NDRG1: variants seen among roughly 807,000 people sequenced by gnomAD.
NDRG1 encodes protein NDRG1.
A neutral mutation model predicts 56.9 loss-of-function variants in NDRG1; 32 were observed. The ratio of observed to expected loss-of-function variants is 0.56; its 90% CI spans 0.42 to 0.76. The LOEUF (loss-of-function observed/expected upper bound fraction) is 0.76. NDRG1 is among the 30% of genes least tolerant of loss of function. NDRG1 has a pLI of 0.00. For synonymous variants in NDRG1, 211 were observed against 204.1 expected, an observed-to-expected ratio of 1.03 and a Z score of -0.29; for missense variants, 507 against 545.7, an observed-to-expected ratio of 0.93 and a Z score of 0.71.
At chr8:133,275,491 C>T (rs1406682124) in intron 3 of NDRG1, among the ~76,000 whole-genome samples, 1 of 151,994 alleles carries the variant, frequency 6.6e-6, no homozygotes. Context: ...ATGATCTATC[C>T]CCAGTCTCTT....
At chr8:133,284,218 T>C (rs775445937) in intron 2 of NDRG1, 31 bp downstream of exon 2, 5 of 1,609,154 alleles carry the variant, frequency 3.1e-6, no homozygotes, top group South Asian at 1.1e-5. Context: ...CATGTGCCTG[T>C]GATGGGGTAG....
chr8:133,275,760 C>T (rs1563635559), intron 3 of NDRG1, among the ~76,000 whole-genome samples: 3 of 152,160 alleles, frequency 2.0e-5, no homozygotes, highest in South Asian at 2.1e-4. Flanking sequence ...GCTTGAGGTC[C>T]CCTTTCCAGC....
chr8:133,272,089 C>T (rs1857221395), intron 3 of NDRG1, among the ~76,000 whole-genome samples: 1 of 152,180 alleles, frequency 6.6e-6, no homozygotes, highest in South Asian at 2.1e-4. Context: ...AGAGGTCAAG[C>T]TGGGCCTGTC....
chr8:133,280,766 C>G (rs1857751977), intron 2 of NDRG1, among the ~76,000 whole-genome samples: 1 of 151,988 alleles, frequency 6.6e-6, no homozygotes, highest in Non-Finnish European at 1.5e-5. Context: ...AAATAGAAGT[C>G]CAGCAGAAAA....
At chr8:133,287,769 G>A (rs562839738) in intron 1 of NDRG1, among the ~76,000 whole-genome samples, 1 of 152,316 alleles carries the variant, frequency 6.6e-6, no homozygotes, top group South Asian at 2.1e-4. Context: ...CATGCCCACA[G>A]CATACACCCC....
intron 15 of NDRG1, 129 bp from the exon 16 acceptor site, chr8:133,239,248 C>T: frequency 7.0e-7 from 1 of 1,419,814 alleles, no homozygotes; most frequent in African/African-American, 1.4e-5. Flanking sequence ...TGCAGCCATC[C>T]AGCTGCTGGG....
intron 3 of NDRG1, among the ~76,000 whole-genome samples, chr8:133,279,445 A>C (rs1857654758): frequency 6.6e-6 from 1 of 152,230 alleles, no homozygotes. Context: ...AAGGAGGTAG[A>C]ATAGAGGAGT....
chr8:133,254,736 T>C (rs1856277559), intron 8 of NDRG1, 141 bp from the exon 9 acceptor site: 3 of 801,106 alleles, frequency 3.7e-6, no homozygotes, highest in Non-Finnish European at 6.4e-6. Context: ...TCCCCCTTGA[T>C]AGAAACTCAG....
intron 2 of NDRG1, among the ~76,000 whole-genome samples, chr8:133,281,646 T>C (rs1425082346): frequency 6.6e-6 from 1 of 151,980 alleles, no homozygotes; most frequent in African/African-American, 2.4e-5. Flanking sequence ...CAGAGCGAAA[T>C]GCAAAAGCGA....
At chr8:133,264,881 C>T in intron 3 of NDRG1, 1 of 577,948 alleles carries the variant, frequency 1.7e-6, no homozygotes, top group Non-Finnish European at 3.1e-6. Flanking sequence ...TCAGACTGCG[C>T]TGTTAAATGC....
intron 1 of NDRG1, among the ~76,000 whole-genome samples, chr8:133,295,295 G>A (rs778076139): frequency 6.6e-6 from 1 of 152,182 alleles, no homozygotes; most frequent in Non-Finnish European, 1.5e-5. Flanking sequence ...TGGGCCAGGG[G>A]CCAGGTTACA....
At chr8:133,240,096 C>T (rs1855297593) in intron 15 of NDRG1, 1 of 152,248 alleles carries the variant, frequency 6.6e-6, no homozygotes, top group Non-Finnish European at 1.5e-5. Flanking sequence ...AAGGTTCTTC[C>T]ACAGCAGCGT....
chr8:133,254,388 G>C, intron 9 of NDRG1, 151 bp downstream of exon 9: 1 of 680,418 alleles, frequency 1.5e-6, no homozygotes, highest in South Asian at 2.0e-5. Flanking sequence ...GCTTATGAAT[G>C]AATAATGTCA....
chr8:133,280,018 C>T (rs893901058), intron 3 of NDRG1, among the ~76,000 whole-genome samples: 6 of 152,198 alleles, frequency 3.9e-5, no homozygotes, highest in Non-Finnish European at 8.8e-5. Flanking sequence ...GTCCTGCTTT[C>T]GTGGGAAGTG....
In NDRG1 at chr8:133,256,790, C is replaced by T; in HGVS notation, c.524G>A (p.Trp175Ter). The T allele has an allele frequency of 6.2e-7, 1 of 1,614,176 alleles. No individual in the cohort carries two copies. The highest frequency in any genetic ancestry group is 8.5e-7 in the Non-Finnish European group (1 of 1,180,018). The change falls in exon 8 of 16, where the codon TGG becomes TAG. Residue 175 changes from tryptophan (W) to a stop codon, truncating the protein, a stop_gained. Coordinates refer to ENST00000323851, the MANE Select transcript of NDRG1 (RefSeq NM_006096.4). LOFTEE classifies it high-confidence loss of function. ...VNPCAEGWMD[W>*]AASKISGWTQ... ...CCCCCACCTCACCTTGGAGGCGGCC[C>T]AGTCCATCCAGCCTTCCGCACAAGG...
intron 2 of NDRG1, 64 bp from the exon 3 acceptor site, chr8:133,280,331 G>A: frequency 3.9e-6 from 6 of 1,523,568 alleles, no homozygotes; most frequent in Non-Finnish European, 5.5e-6. Flanking sequence ...ATAATATTGG[G>A]ACATATGGGC....
chr8:133,274,185 GAT>G (rs1263625583), intron 3 of NDRG1, among the ~76,000 whole-genome samples: 6 of 152,246 alleles, frequency 3.9e-5, no homozygotes, highest in Non-Finnish European at 8.8e-5. Flanking sequence ...GTGATGGAGA[GAT>G]AAGGCCTGAT....
intron 9 of NDRG1, among the ~76,000 whole-genome samples, chr8:133,254,186 A>C (rs1856239054): frequency 6.6e-6 from 1 of 152,122 alleles, no homozygotes; most frequent in African/African-American, 2.4e-5. Flanking sequence ...CCTGAGGAGG[A>C]GGGAGAGGAG....
chr8:133,269,320 C>T lies in NDRG1; in HGVS notation c.100-4668G>A, dbSNP rs184767199. Among the ~76,000 whole-genome samples the T allele has an allele frequency of 9.5e-3, 1,442 of 152,310 alleles. 17 individuals are homozygous for T. The highest frequency in any genetic ancestry group is 0.015 in the Non-Finnish European group (991 of 68,032). On this transcript the variant is annotated intron_variant, in intron 3 of 15. Transcript: ENST00000323851. ...GGACCAGGCCACAGAAGACCCTGCT[C>T]ACAGGGCCTGATCCAGACAAGAGGA...
Sources: allele counts gnomAD v4.1 joint callset (sites outside exome capture counted in the v4.1 genomes callset), GRCh38; gene constraint gnomAD v4.1.1; transcripts MANE v1.5; gene names NCBI Gene and HGNC (gene_info 2026-07-23, HGNC 2026-07-21).